The following EZH1 variants were observed in gnomAD, a reference collection of about 807,000 sequenced individuals.
EZH1 encodes the protein histone-lysine N-methyltransferase EZH1.
In EZH1, 33 loss-of-function variants were observed where a neutral mutation model predicts 100.5. The ratio of observed to expected loss-of-function variants is 0.33; its 90% confidence interval spans 0.25 to 0.44. EZH1 has a LOEUF of 0.44. EZH1 is among the 20% of genes least tolerant of loss of function. EZH1 has a pLI of 1.00. For missense variants in EZH1, 475 were observed against 928.4 expected (o/e 0.51, Z 6.35); for synonymous variants, 272 against 313.8 (o/e 0.87, Z 1.41).
chr17:42,727,867 A>G, intron 3 of EZH1, 104 bp from the exon 4 acceptor site: 1 of 865,272 alleles, frequency 1.2e-6, no homozygotes, highest in East Asian at 5.2e-5. Flanking sequence ...CCCAGGCTGG[A>G]GTGTAGTAGC....
In EZH1 at chr17:42,728,810, G is replaced by C; in HGVS notation, c.117+15C>G. On this transcript the variant is annotated intron_variant, in intron 3 of 20. Transcript: ENST00000428826. ...ATTGAAATATATAAACTTTCACTTGGGAATTATTTTTTACCTTTGCACCCA... is the reference window on the plus strand; with the variant it reads ...ATTGAAATATATAAACTTTCACTTGCGAATTATTTTTTACCTTTGCACCCA... 1 of 1,609,732 alleles carries C rather than the reference G, an allele frequency of 6.2e-7. No individual in the cohort carries two copies. The highest frequency in any genetic ancestry group is 1.1e-5 in the South Asian group (1 of 90,186).
chr17:42,703,599 G>T (rs757889754), intron 19 of EZH1, 141 bp downstream of exon 19: 6 of 646,196 alleles, frequency 9.3e-6, no homozygotes, highest in Non-Finnish European at 1.7e-5. Context: ...ATTGAGAGGG[G>T]CCTAAAATGA....
At position 42,702,440 on chromosome 17, in the gene EZH1, GAC is replaced by G. The variant is rs2053260917; in HGVS notation, c.*90_*91del. The G allele has an allele frequency of 9.1e-7, 1 of 1,097,864 alleles. No homozygotes were observed. Among genetic ancestry groups the G allele is most frequent in the South Asian group, 1.5e-5 (1 of 67,212 alleles). 68.0% of individuals were successfully genotyped at this position (1,097,864 alleles called of 1,614,324 possible). A position where few individuals can be genotyped will look rare whatever the true frequency, so the allele number is the denominator to read the frequency against. ...GGTTGGGGGGTTTCTCAGTGTGGGA[GAC>G]ACAGTGCAGGAGACTCGAGCAGCAG... On this transcript the variant is annotated 3_prime_UTR_variant, in exon 21 of 21. Coordinates refer to ENST00000428826, the MANE Select transcript of EZH1 (RefSeq NM_001991.5).
intron 19 of EZH1, 194 bp from the exon 20 acceptor site, chr17:42,703,155 A>G (rs2053279198): frequency 1.8e-6 from 1 of 570,328 alleles, no homozygotes; most frequent in Non-Finnish European, 3.1e-6. Context: ...TATTATTATT[A>G]TAAGTGGGGT....
At chr17:42,720,594 T>C in intron 6 of EZH1, 145 bp from the exon 7 acceptor site, 1 of 647,588 alleles carries the variant, frequency 1.5e-6, no homozygotes, top group Non-Finnish European at 2.5e-6. Flanking sequence ...ATTACAATCA[T>C]TTGATTGGCT....
intron 2 of EZH1, 80 bp from the exon 3 acceptor site, chr17:42,729,032 T>G (rs1233573118): frequency 2.5e-6 from 3 of 1,195,240 alleles, no homozygotes; most frequent in Non-Finnish European, 3.5e-6. Flanking sequence ...AAAAAAAAGA[T>G]CAATTATGCT....
intron 1 of EZH1, among the ~76,000 whole-genome samples, chr17:42,741,639 AG>A (rs1391066521): frequency 1.4e-4 from 21 of 152,234 alleles, no homozygotes; most frequent in African/African-American, 5.1e-4. Flanking sequence ...TAATGAAGCC[AG>A]GTTTCAGACC....
At position 42,713,374 on chromosome 17, in the gene EZH1, A is replaced by C; in HGVS notation, c.1039T>G (p.Tyr347Asp). The C allele has an allele frequency of 6.2e-7, 1 of 1,603,756 alleles. No homozygotes were observed. The highest frequency in any genetic ancestry group is 8.5e-7 in the Non-Finnish European group (1 of 1,171,526). The change falls in exon 11 of 21, where the codon TAT (tyrosine) becomes GAT (aspartate). Residue 347 changes from tyrosine to aspartate, a missense_variant. Tyr to Asp is a radical substitution (Grantham distance 160). Transcript: ENST00000428826. ...GAGCGGGGGTTGTGGAGCATGGCAT[A>C]CTCCTTTGCTCCTTCCTGCAGTGGA... ...CFLLLEGAKEYAMLHNPRSKC... is the reference protein window; with the variant it reads ...CFLLLEGAKEDAMLHNPRSKC...
At chr17:42,720,826 T>C (rs899374666) in intron 6 of EZH1, among the ~76,000 whole-genome samples, 1 of 152,170 alleles carries the variant, frequency 6.6e-6, no homozygotes, top group Non-Finnish European at 1.5e-5. Context: ...CTGGCTAATT[T>C]TGTATTTTAG....
chr17:42,744,944 A>G, intron 1 of EZH1, 67 bp downstream of exon 1: 2 of 1,247,150 alleles, frequency 1.6e-6, no homozygotes, highest in Admixed American at 2.6e-5. Flanking sequence ...TCCCTCCCTC[A>G]GGCCCAGGGC....
intron 14 of EZH1, among the ~76,000 whole-genome samples, chr17:42,708,453 G>A (rs1219454367): frequency 6.6e-6 from 1 of 152,114 alleles, no homozygotes; most frequent in African/African-American, 2.4e-5. Context: ...TCAGGAGTTC[G>A]AGACCAGCCT....
rs367948669 is a variant in EZH1 at position 42,718,042 on chromosome 17, A to G, written c.957T>C (p.Tyr319=). ...LHPFHATPNV[Y]KRKNKEIKIE... ...TCTTGATTTCTTTATTCTTGCGTTT[A>G]TATACATTAGGGGTGGCATGAAAAG... is the stretch of plus-strand genomic sequence containing the variant. The change falls in exon 10 of 21, where the codon TAT becomes TAC. Residue 319 remains tyrosine, a synonymous_variant. Coordinates refer to ENST00000428826, the MANE Select transcript of EZH1 (RefSeq NM_001991.5). This position sits in a 1 kb window ranked among gnomAD's most constrained non-coding sequence, Gnocchi z 4.2. The G allele has an allele frequency of 3.1e-6, 5 of 1,614,058 alleles. No homozygotes were observed. In the African/African-American group the frequency reaches 5.3e-5, roughly 17 times the overall value.
chr17:42,711,185 C>T (rs1207344677), intron 12 of EZH1, among the ~76,000 whole-genome samples: 1 of 150,618 alleles, frequency 6.6e-6, no homozygotes, highest in East Asian at 1.9e-4. Flanking sequence ...AAAAAAAATA[C>T]AAAAATGGCC....
intron 2 of EZH1, 123 bp downstream of exon 2, chr17:42,730,705 C>T (rs1436200711): frequency 4.8e-6 from 1 of 208,506 alleles, no homozygotes; most frequent in Non-Finnish European, 8.3e-6. Flanking sequence ...ACCGTGTTAG[C>T]CAGGATGGTC....
Position 42,743,390 on chromosome 17 carries a change from C to T in EZH1, c.-103+1621G>A, listed in dbSNP as rs529615070. On this transcript the variant is annotated intron_variant, in intron 1 of 20. Transcript: ENST00000428826. ...TGTCCCATGTTGCCCAGGCTGGTCT[C>T]AAACTCCTGGGCTCGAGTGAACGGT... is the stretch of plus-strand genomic sequence containing the variant. Among the ~76,000 whole-genome samples the T allele has an allele frequency of 5.9e-5, 9 of 151,708 alleles. No individual in the cohort carries two copies. In the South Asian group the frequency reaches 1.0e-3, roughly 18 times the overall value.
At position 42,722,785 on chromosome 17, in the gene EZH1, G is replaced by A. The variant is rs2053741659; in HGVS notation, c.487+10C>T. On this transcript the variant is annotated intron_variant, in intron 6 of 20. Coordinates refer to ENST00000428826, the MANE Select transcript of EZH1 (RefSeq NM_001991.5). ...AACAAAATTTTCTCCAAGGAGTTCAGTACCACTACCTTCTTCACCATGGAC... is the reference window on the plus strand; with the variant it reads ...AACAAAATTTTCTCCAAGGAGTTCAATACCACTACCTTCTTCACCATGGAC... The A allele has an allele frequency of 1.2e-6, 2 of 1,612,104 alleles. 1 individual carries two copies. The highest frequency in any genetic ancestry group is 2.2e-5 in the South Asian group (2 of 90,722).
At chr17:42,709,172 A>G (rs2053423314) in intron 13 of EZH1, 1 of 541,964 alleles carries the variant, frequency 1.8e-6, no homozygotes, top group Non-Finnish European at 3.3e-6. Flanking sequence ...CAACACAGAA[A>G]TAAAAGAAAG....
rs1284292678 is a variant in EZH1, at chr17:42,701,550, C to G, written c.*982G>C. 1 of 152,858 alleles carries G rather than the reference C, an allele frequency of 6.5e-6. No homozygotes were observed. The highest frequency in any genetic ancestry group is 1.5e-5 in the Non-Finnish European group (1 of 68,088). 9.5% of individuals were successfully genotyped at this position (152,858 alleles called of 1,614,324 possible). On this transcript the variant is annotated 3_prime_UTR_variant, in exon 21 of 21. Transcript: ENST00000428826. ...CAATCTTTCTCCTCTCTAGTCCAAG[C>G]CTGTGCCCACCTACCCTGAAGCGAT...
intron 5 of EZH1, among the ~76,000 whole-genome samples, chr17:42,723,760 G>C (rs1362615380): frequency 6.6e-6 from 1 of 152,162 alleles, no homozygotes; most frequent in Non-Finnish European, 1.5e-5. Context: ...ATTCCAACCA[G>C]TAGTACGGCT....
Sources: allele counts gnomAD v4.1 joint callset (sites outside exome capture counted in the v4.1 genomes callset), GRCh38; gene constraint gnomAD v4.1.1; non-coding constraint Gnocchi (gnomAD v3.1); transcripts MANE v1.5; gene names NCBI Gene and HGNC (gene_info 2026-07-23, HGNC 2026-07-21).